LINGO2: variants seen among roughly 807,000 people sequenced by gnomAD.
LINGO2 encodes the protein leucine rich repeat and Ig domain containing 2.
Under a neutral mutation model 30.6 loss-of-function variants are expected in LINGO2, and 14 were observed. That is an observed-to-expected ratio of 0.46 (90% CI 0.30 to 0.72). The LOEUF (loss-of-function observed/expected upper bound fraction) is 0.72, where lower values mean the gene tolerates loss of function less well. LINGO2 is among the 30% of genes least tolerant of loss of function. The pLI is 0.07. For synonymous variants in LINGO2, 317 were observed against 288.5 expected, an observed-to-expected ratio of 1.10 and a Z score of -1.00; for missense variants, 729 against 751.7, an observed-to-expected ratio of 0.97 and a Z score of 0.35.
In LINGO2 at chr9:28,148,192, C is replaced by T; in HGVS notation, c.-86-135787G>A. The stretch of plus-strand genomic sequence containing the variant: ...GACATCTTGGGCCTTCTTTTCCAGT[C>T]AGTTGGGACGGCGCCCCTATGAGGC... On this transcript the variant is annotated intron_variant, in intron 4 of 5. Coordinates refer to ENST00000379992, the Ensembl canonical transcript of LINGO2. This position sits in a 1 kb window ranked among gnomAD's most constrained non-coding sequence, Gnocchi z 5.1. 3.9e-6 allele frequency: 3 copies of T among 772,414 alleles called. No homozygotes were observed. Among genetic ancestry groups the T allele is most frequent in the Non-Finnish European group, 5.7e-6 (3 of 523,846 alleles). The allele number at this position is 772,414 out of a possible 1,614,324, so 47.8% of individuals were successfully genotyped here.
At chr9:28,055,987 T>TA (rs1384844180) in intron 4 of LINGO2, among the ~76,000 whole-genome samples, 2 of 152,098 alleles carry the variant, frequency 1.3e-5, no homozygotes, top group Admixed American at 6.6e-5. Context: ...ACTTGAGACC[T>TA]TCATTATGAG....
chr9:28,192,432 C>A (rs1050096904), intron 4 of LINGO2, among the ~76,000 whole-genome samples: 1 of 152,036 alleles, frequency 6.6e-6, no homozygotes, highest in Non-Finnish European at 1.5e-5. Context: ...TTTCAAATCA[C>A]TGATGCCGTG....
the LINGO2 span, among the ~76,000 whole-genome samples, chr9:28,833,133 T>C: frequency 1.3e-5 from 2 of 152,226 alleles, no homozygotes; most frequent in African/African-American, 4.8e-5. Context: ...TGCTTCACTC[T>C]GGACTGTGAC....
chr9:28,437,546 GACGC>G (rs977788812), intron 2 of LINGO2, among the ~76,000 whole-genome samples: 14 of 79,264 alleles, frequency 1.8e-4, no homozygotes, highest in Non-Finnish European at 2.6e-4. Flanking sequence ...TATACACACA[GACGC>G]ACACACACAC....
the LINGO2 span, among the ~76,000 whole-genome samples, chr9:29,065,116 A>G: frequency 6.6e-6 from 1 of 152,098 alleles, no homozygotes; most frequent in African/African-American, 2.4e-5. Context: ...TACTCTCTCT[A>G]CACAATGTCA....
intron 5 of LINGO2, among the ~76,000 whole-genome samples, chr9:27,958,833 T>C (rs963807811): frequency 1.3e-5 from 2 of 152,176 alleles, no homozygotes; most frequent in African/African-American, 4.8e-5. Flanking sequence ...ATTTTTGTTC[T>C]CTTTTTCCTA....
chr9:28,021,867 A>C (rs889591624), intron 4 of LINGO2, among the ~76,000 whole-genome samples: 1 of 72,638 alleles, frequency 1.4e-5, no homozygotes, highest in African/African-American at 9.3e-5. Flanking sequence ...TTGATCTTTA[A>C]AGTGGGTTTT....
At chr9:29,183,247 T>G in the LINGO2 span, among the ~76,000 whole-genome samples, 4 of 152,270 alleles carry the variant, frequency 2.6e-5, no homozygotes, top group South Asian at 2.1e-4. Context: ...GCTAAGAAAT[T>G]ATTTACCCAA....
chr9:28,046,437 T>C (rs1356192850), intron 4 of LINGO2, among the ~76,000 whole-genome samples: 22 of 152,256 alleles, frequency 1.4e-4, no homozygotes. Flanking sequence ...CTAACTGTGG[T>C]TTTTGGTGGA....
At chr9:28,684,057 CA>C in the LINGO2 span, among the ~76,000 whole-genome samples, 1 of 149,880 alleles carries the variant, frequency 6.7e-6, no homozygotes, top group African/African-American at 2.5e-5. Flanking sequence ...ATATTTTTTG[CA>C]AAAAATGTAA....
chr9:28,209,443 T>C (rs1016867638), intron 4 of LINGO2, among the ~76,000 whole-genome samples: 7 of 151,938 alleles, frequency 4.6e-5, no homozygotes, highest in South Asian at 2.1e-4. Flanking sequence ...TCATGAACTT[T>C]TTGTTACACT....
rs138025419 is a variant in LINGO2, at chr9:28,240,202, C to T, written c.-87+55006G>A. Among the ~76,000 whole-genome samples the T allele has an allele frequency of 5.7e-3, 862 of 152,206 alleles. 5 individuals are homozygous for T. Among genetic ancestry groups the T allele is most frequent in the African/African-American group, 0.019 (777 of 41,534 alleles). ...TAATATTGTTAAAATATCCATACTA[C>T]ACAAAGCAATCTATAGATTCAACAC... is the stretch of plus-strand genomic sequence containing the variant. On this transcript the variant is annotated intron_variant, in intron 4 of 5. Transcript: ENST00000379992.
chr9:28,590,998 G>T (rs1480430522), intron 1 of LINGO2, among the ~76,000 whole-genome samples: 3 of 152,108 alleles, frequency 2.0e-5, no homozygotes, highest in Admixed American at 6.5e-5. Context: ...ATGAGTTCAT[G>T]TCCTTTATAG....
chr9:29,213,001 C>T, the LINGO2 span, among the ~76,000 whole-genome samples: 1 of 152,192 alleles, frequency 6.6e-6, no homozygotes, highest in Non-Finnish European at 1.5e-5. Context: ...AGGGGCTTTT[C>T]CTGGACTTCC....
At chr9:27,987,286 C>T (rs985500021) in intron 5 of LINGO2, among the ~76,000 whole-genome samples, 2 of 151,704 alleles carry the variant, frequency 1.3e-5, no homozygotes, top group African/African-American at 2.4e-5. Flanking sequence ...CCCTCCCTCC[C>T]GTCTTTCCTT....
chr9:29,023,988 C>G, the LINGO2 span, among the ~76,000 whole-genome samples: 1 of 151,882 alleles, frequency 6.6e-6, no homozygotes, highest in East Asian at 1.9e-4. Flanking sequence ...ATATTCCAAC[C>G]TTTCTTCTTC....
rs191805052 is a variant in LINGO2, at chr9:28,111,474, T to G, written c.-86-99069A>C. 2.7e-3 allele frequency among the ~76,000 whole-genome samples: 407 copies of G among 152,100 alleles called. 4 individuals carry two copies. Among genetic ancestry groups the G allele is most frequent in the Non-Finnish European group, 3.5e-3 (236 of 67,970 alleles). On this transcript the variant is annotated intron_variant, in intron 4 of 5. Transcript: ENST00000379992. ...TCCTCCTATGTGAGTTTACTGGAAT[T>G]GTACAGAAAAAAAGGCTCTAGGAAA...
At chr9:28,741,570 G>A in the LINGO2 span, among the ~76,000 whole-genome samples, 4 of 151,952 alleles carry the variant, frequency 2.6e-5, no homozygotes, top group Admixed American at 6.6e-5. Context: ...TGAGGTTGTG[G>A]GGGCGCTGGT....
intron 1 of LINGO2, among the ~76,000 whole-genome samples, chr9:28,547,026 T>C (rs763117574): frequency 1.3e-5 from 2 of 152,078 alleles, no homozygotes; most frequent in African/African-American, 2.4e-5. Flanking sequence ...GTGGGACAAA[T>C]TGAATCCATC....
Sources: allele counts gnomAD v4.1 joint callset (sites outside exome capture counted in the v4.1 genomes callset), GRCh38; gene constraint gnomAD v4.1.1; non-coding constraint Gnocchi (gnomAD v3.1); transcripts MANE v1.5; gene names NCBI Gene and HGNC (gene_info 2026-07-23, HGNC 2026-07-21).